Variants in EPM2A observed in about 807,000 individuals in gnomAD.
EPM2A encodes the protein laforin.
A neutral mutation model predicts 26.5 loss-of-function variants in EPM2A; 21 were observed. The observed-to-expected ratio is 0.79, with a 90% CI of 0.56 to 1.14. EPM2A has a LOEUF of 1.14. EPM2A is among the 50% of genes most tolerant of loss of function. The pLI, the probability that EPM2A is intolerant of heterozygous loss-of-function variation, is 0.00. For synonymous variants in EPM2A, 217 were observed against 177.6 expected, an observed-to-expected ratio of 1.22 and a Z score of -1.76; for missense variants, 458 against 440.8, an observed-to-expected ratio of 1.04 and a Z score of -0.35.
intron 1 of EPM2A, among the ~76,000 whole-genome samples, chr6:145,691,816 ACAAT>A (rs1377459276): frequency 6.6e-6 from 1 of 152,040 alleles, no homozygotes; most frequent in African/African-American, 2.4e-5. Context: ...GACATGCCAC[ACAAT>A]CAGAGAAAAA....
At chr6:145,494,443 C>A (rs1779792997) in intron 4 of EPM2A, among the ~76,000 whole-genome samples, 1 of 151,856 alleles carries the variant, frequency 6.6e-6, no homozygotes, top group African/African-American at 2.4e-5. Flanking sequence ...AAGCTCCTGG[C>A]CTTGTTGATC....
At chr6:145,506,311 TAA>T (rs1258109911) in intron 2 of EPM2A, among the ~76,000 whole-genome samples, 1 of 152,248 alleles carries the variant, frequency 6.6e-6, no homozygotes, top group Non-Finnish European at 1.5e-5. Context: ...GAATTTGCAA[TAA>T]TTATTCAACA....
At chr6:145,458,818 T>C (rs956448184) in intron 4 of EPM2A, among the ~76,000 whole-genome samples, 4 of 145,522 alleles carry the variant, frequency 2.7e-5, no homozygotes, top group African/African-American at 1.0e-4. Flanking sequence ...CTTTAAACAC[T>C]AGCATAAATT....
chr6:145,709,341 C>T (rs1232796720), intron 1 of EPM2A, among the ~76,000 whole-genome samples: 2 of 152,082 alleles, frequency 1.3e-5, no homozygotes, highest in African/African-American at 4.8e-5. Context: ...CCCATAATTC[C>T]CATATCTCAT....
chr6:145,447,605 A>C (rs1779142962), intron 4 of EPM2A, among the ~76,000 whole-genome samples: 1 of 152,156 alleles, frequency 6.6e-6, no homozygotes, highest in African/African-American at 2.4e-5. Flanking sequence ...ATTGTCTACA[A>C]GAATATACAC....
chr6:145,489,746 A>G, intron 4 of EPM2A: 1 of 1,459,178 alleles, frequency 6.9e-7, no homozygotes, highest in Non-Finnish European at 9.6e-7. Flanking sequence ...TGGCAGCCTC[A>G]GCAGCATCTG....
At chr6:145,695,190 C>A (rs1226630485) in intron 1 of EPM2A, among the ~76,000 whole-genome samples, 1 of 151,878 alleles carries the variant, frequency 6.6e-6, no homozygotes, top group Non-Finnish European at 1.5e-5. Flanking sequence ...ACATGGAGAG[C>A]TTTTGTATTT....
intron 4 of EPM2A, among the ~76,000 whole-genome samples, chr6:145,450,391 G>A (rs1033084227): frequency 1.3e-5 from 2 of 151,270 alleles, no homozygotes; most frequent in African/African-American, 4.9e-5. Context: ...AACCATTGGT[G>A]GGGGTATAAA....
chr6:145,688,954 T>C (rs1781104495), intron 1 of EPM2A, among the ~76,000 whole-genome samples: 3 of 152,224 alleles, frequency 2.0e-5, no homozygotes, highest in African/African-American at 7.2e-5. Context: ...GTGTTACTTT[T>C]TTAGTTAAAT....
intron 4 of EPM2A, among the ~76,000 whole-genome samples, chr6:145,439,001 C>G (rs1779026852): frequency 1.3e-5 from 2 of 151,856 alleles, no homozygotes; most frequent in African/African-American, 4.8e-5. Context: ...ATCTGTTGTT[C>G]CCCTCTTTCT....
At chr6:145,457,495 A>G (rs1033863233) in intron 4 of EPM2A, among the ~76,000 whole-genome samples, 1 of 151,850 alleles carries the variant, frequency 6.6e-6, no homozygotes, top group East Asian at 1.9e-4. Context: ...AAAAAAAAAA[A>G]AAAGAAAAAG....
chr6:145,735,549 A>C (rs1340563526), upstream of EPM2A: 3 of 1,133,690 alleles, frequency 2.6e-6, no homozygotes, highest in Non-Finnish European at 3.2e-6. Context: ...CGCGGCCGGC[A>C]GGCGCGGCCC....
intron 4 of EPM2A, among the ~76,000 whole-genome samples, chr6:145,442,304 G>C (rs947539152): frequency 7.2e-5 from 11 of 152,152 alleles, no homozygotes; most frequent in Admixed American, 2.6e-4. Flanking sequence ...CCCACTCCCG[G>C]TACCAATTTA....
intron 2 of EPM2A, chr6:145,636,902 C>G (rs895909351): frequency 1.7e-4 from 24 of 139,338 alleles, no homozygotes; most frequent in African/African-American, 6.3e-4. Flanking sequence ...CCAGCCTGGG[C>G]GATGGGGCAA....
intron 4 of EPM2A, among the ~76,000 whole-genome samples, chr6:145,464,698 G>A (rs1779365525): frequency 6.6e-6 from 1 of 151,936 alleles, no homozygotes; most frequent in Non-Finnish European, 1.5e-5. Context: ...CTCCCAGTCT[G>A]TCACTTTTCC....
chr6:145,482,865 C>CTTTTT (rs10668205), intron 4 of EPM2A, among the ~76,000 whole-genome samples: 2 of 147,430 alleles, frequency 1.4e-5, no homozygotes, highest in African/African-American at 5.0e-5. Context: ...TATAGCTATT[C>CTTTTT]TTTTTTTTTT....
chr6:145,646,353 T>C (rs760204920), intron 2 of EPM2A, among the ~76,000 whole-genome samples: 1 of 151,946 alleles, frequency 6.6e-6, no homozygotes, highest in Non-Finnish European at 1.5e-5. Flanking sequence ...ATTTTTTGTA[T>C]TTTTAGTAGA....
At chr6:145,694,365 T>C (rs759153088) in intron 1 of EPM2A, among the ~76,000 whole-genome samples, 1 of 152,054 alleles carries the variant, frequency 6.6e-6, no homozygotes, top group Non-Finnish European at 1.5e-5. Flanking sequence ...GATGTTCTCT[T>C]CTAATGGCAA....
downstream of EPM2A, among the ~76,000 whole-genome samples, chr6:145,501,273 T>C (rs1399053777): frequency 6.6e-6 from 1 of 152,170 alleles, no homozygotes; most frequent in Non-Finnish European, 1.5e-5. Context: ...AACTTTGGAA[T>C]TTTTCTTTGT....
Sources: allele counts gnomAD v4.1 joint callset (sites outside exome capture counted in the v4.1 genomes callset), GRCh38; gene constraint gnomAD v4.1.1; transcripts MANE v1.5; gene names NCBI Gene and HGNC (gene_info 2026-07-23, HGNC 2026-07-21).